Variants in KCNIP1 observed in about 807,000 individuals in gnomAD.
KCNIP1 encodes the protein potassium voltage-gated channel interacting protein 1.
In KCNIP1, 18 loss-of-function variants were observed where a neutral mutation model predicts 33.0. The ratio of observed to expected loss-of-function variants is 0.55; its 90% CI spans 0.38 to 0.81. KCNIP1 has a LOEUF of 0.81. Among genes scored for constraint, KCNIP1 ranks in the 30% least tolerant of loss-of-function variants. The pLI, the probability that KCNIP1 is intolerant of heterozygous loss-of-function variation, is 0.00. For synonymous variants in KCNIP1, 93 were observed against 98.3 expected (o/e 0.95, Z 0.32); for missense variants, 238 against 271.6 (o/e 0.88, Z 0.87).
At chr5:170,521,841 A>G (rs922680460) in intron 1 of KCNIP1, among the ~76,000 whole-genome samples, 7 of 152,204 alleles carry the variant, frequency 4.6e-5, no homozygotes, top group African/African-American at 1.4e-4. Flanking sequence ...GAAACATAGA[A>G]TTGTTTTTAT....
chr5:170,728,507 A>G (rs2113888847), intron 5 of KCNIP1, among the ~76,000 whole-genome samples: 1 of 152,354 alleles, frequency 6.6e-6, no homozygotes, highest in African/African-American at 2.4e-5. Flanking sequence ...TAAAATACAT[A>G]TGCAAAAAGA....
intron 1 of KCNIP1, among the ~76,000 whole-genome samples, chr5:170,623,277 G>T (rs28711076): frequency 6.6e-6 from 1 of 151,142 alleles, no homozygotes; most frequent in East Asian, 2.0e-4. Context: ...GCAATGGCAC[G>T]ATCTCGACTC....
At chr5:170,651,845 A>T (rs1750419566) in intron 1 of KCNIP1, among the ~76,000 whole-genome samples, 1 of 152,156 alleles carries the variant, frequency 6.6e-6, no homozygotes, top group Admixed American at 6.5e-5. Context: ...ATTTCCAGTG[A>T]CTGACTACTT....
chr5:170,590,456 A>T (rs185604691), intron 1 of KCNIP1, among the ~76,000 whole-genome samples: 1 of 152,138 alleles, frequency 6.6e-6, no homozygotes, highest in East Asian at 2.0e-4. Flanking sequence ...TGGCTGACTG[A>T]GGCTGACACG....
chr5:170,689,459 G>A (rs1197112660), intron 1 of KCNIP1, among the ~76,000 whole-genome samples: 1 of 152,192 alleles, frequency 6.6e-6, no homozygotes, highest in Non-Finnish European at 1.5e-5. Context: ...GGAAACTGAG[G>A]CTTAGGGAGG....
chr5:170,661,107 T>G (rs893114476), intron 1 of KCNIP1, among the ~76,000 whole-genome samples: 5 of 152,164 alleles, frequency 3.3e-5, no homozygotes, highest in Admixed American at 2.0e-4. Flanking sequence ...GGACCTGATA[T>G]GTTTGATCAC....
At chr5:170,651,916 C>T (rs1327396270) in intron 1 of KCNIP1, among the ~76,000 whole-genome samples, 1 of 152,202 alleles carries the variant, frequency 6.6e-6, no homozygotes, top group African/African-American at 2.4e-5. Context: ...GCACGTGCCA[C>T]TGTTGGGTAA....
At chr5:170,445,575 G>C (rs781317652) in intron 1 of KCNIP1, among the ~76,000 whole-genome samples, 1 of 152,212 alleles carries the variant, frequency 6.6e-6, no homozygotes, top group Non-Finnish European at 1.5e-5. Flanking sequence ...CTGAGGTACT[G>C]GGATAAAACT....
At chr5:170,668,795 G>A (rs1413997900) in intron 1 of KCNIP1, among the ~76,000 whole-genome samples, 1 of 152,178 alleles carries the variant, frequency 6.6e-6, no homozygotes, top group Non-Finnish European at 1.5e-5. Flanking sequence ...TCCTGGAGGT[G>A]GTTCCCAGGT....
Position 170,367,418 on chromosome 5 carries a change from A to G in KCNIP1, c.88+13454A>G, listed in dbSNP as rs58236205. ...GAAAGAAAGAAAGAAAGAAAGAAAG[A>G]AAGGAAAGAAAGAAAGAAAGGAAAG... On this transcript the variant is annotated intron_variant, in intron 1 of 7. Transcript: ENST00000377360. Among the ~76,000 whole-genome samples, 689 of 101,112 alleles carry G rather than the reference A, an allele frequency of 6.8e-3. 7 individuals carry two copies. Among genetic ancestry groups the G allele is most frequent in the African/African-American group, 0.023 (534 of 23,292 alleles). The allele number at this position is 101,112 out of a possible 152,430, so 66.3% of individuals were successfully genotyped here.
At chr5:170,390,025 TGA>T (rs1764653523) in intron 1 of KCNIP1, among the ~76,000 whole-genome samples, 1 of 152,148 alleles carries the variant, frequency 6.6e-6, no homozygotes, top group South Asian at 2.1e-4. Flanking sequence ...CTGGGAGTAG[TGA>T]GAGCTCCACA....
chr5:170,379,662 T>C (rs1764160065), intron 1 of KCNIP1, among the ~76,000 whole-genome samples: 1 of 152,128 alleles, frequency 6.6e-6, no homozygotes, highest in Admixed American at 6.5e-5. Context: ...TCCAACACTT[T>C]AAGAGAAGTT....
intron 1 of KCNIP1, among the ~76,000 whole-genome samples, chr5:170,628,462 T>C (rs1052030069): frequency 6.6e-6 from 1 of 152,196 alleles, no homozygotes; most frequent in Admixed American, 6.5e-5. Flanking sequence ...GAATTTCAAC[T>C]TCATCTCTCT....
chr5:170,689,645 A>G (rs1337464771), intron 1 of KCNIP1, among the ~76,000 whole-genome samples: 2 of 152,242 alleles, frequency 1.3e-5, no homozygotes, highest in South Asian at 2.1e-4. Flanking sequence ...TAGCAGCTAT[A>G]GAGGCAGAGA....
chr5:170,414,815 C>A (rs1483584134), intron 1 of KCNIP1, among the ~76,000 whole-genome samples: 3 of 152,286 alleles, frequency 2.0e-5, no homozygotes, highest in Middle Eastern at 3.4e-3. Flanking sequence ...AAATTCAATG[C>A]GTATTCTTTG....
At chr5:170,491,587 T>C (rs975751420) in intron 1 of KCNIP1, among the ~76,000 whole-genome samples, 3 of 152,304 alleles carry the variant, frequency 2.0e-5, no homozygotes, top group African/African-American at 7.2e-5. Flanking sequence ...CCTCCAGATA[T>C]TTGTGGTTTA....
intron 1 of KCNIP1, among the ~76,000 whole-genome samples, chr5:170,595,954 G>A (rs761328677): frequency 3.9e-5 from 6 of 152,136 alleles, no homozygotes; most frequent in Non-Finnish European, 8.8e-5. Context: ...TCAGTGTCTC[G>A]GGTGGTGAGC....
intron 1 of KCNIP1, among the ~76,000 whole-genome samples, chr5:170,599,400 T>C (rs1758603888): frequency 6.6e-6 from 1 of 152,166 alleles, no homozygotes; most frequent in Admixed American, 6.5e-5. Flanking sequence ...TGATGGCATC[T>C]GATTTAGTTT....
chr5:170,421,729 G>A (rs1755499284), intron 1 of KCNIP1, among the ~76,000 whole-genome samples: 1 of 152,156 alleles, frequency 6.6e-6, no homozygotes, highest in Admixed American at 6.5e-5. Flanking sequence ...ATGAATTTGG[G>A]AGAGGATAGA....
Sources: allele counts gnomAD v4.1 joint callset (sites outside exome capture counted in the v4.1 genomes callset), GRCh38; gene constraint gnomAD v4.1.1; transcripts MANE v1.5; gene names NCBI Gene and HGNC (gene_info 2026-07-23, HGNC 2026-07-21).